KRT14: variants seen among roughly 807,000 people sequenced by gnomAD.
The protein encoded by KRT14 is keratin, type I cytoskeletal 14.
KRT14 carries 30 observed loss-of-function variants against 44.5 expected under a neutral mutation model. The ratio of observed to expected loss-of-function variants is 0.67; its 90% CI spans 0.50 to 0.92. The LOEUF (loss-of-function observed/expected upper bound fraction) is 0.92, where lower values mean the gene tolerates loss of function less well. KRT14 is among the 40% of genes least tolerant of loss of function. The pLI, the probability that KRT14 is intolerant of heterozygous loss-of-function variation, is 0.00. For missense variants in KRT14, 535 were observed against 640.6 expected (o/e 0.84, Z 1.78); for synonymous variants, 241 against 257.6 (o/e 0.94, Z 0.62).
chr17:41,582,581 G>T (rs1458533478), intron 7 of KRT14, 49 bp from the exon 8 acceptor site: 1 of 1,445,180 alleles, frequency 6.9e-7, no homozygotes, highest in Admixed American at 2.0e-5. Context: ...ACAGACAATG[G>T]ACTAATCAGG....
chr17:41,585,858 G>A (rs1346476563), intron 1 of KRT14, among the ~76,000 whole-genome samples: 2 of 152,238 alleles, frequency 1.3e-5, no homozygotes, highest in Admixed American at 6.5e-5. Flanking sequence ...GGCAGCCACA[G>A]CCCAGACTAG....
At position 41,583,082 on chromosome 17, in the gene KRT14, G is replaced by T; in HGVS notation, c.1321+12C>A. 1 of 1,612,480 alleles carries T rather than the reference G, an allele frequency of 6.2e-7. No homozygotes were observed. The highest frequency in any genetic ancestry group is 8.5e-7 in the Non-Finnish European group (1 of 1,179,706). ...GCCTGGAGCCCAGGCCTGCAGAGGA[G>T]GAGGGTCTTACCATCTCTGGATGAC... is the stretch of plus-strand genomic sequence containing the variant. On this transcript the variant is annotated intron_variant, in intron 7 of 7. Coordinates refer to ENST00000167586, the MANE Select transcript of KRT14 (RefSeq NM_000526.5).
At chr17:41,584,846 T>C in intron 2 of KRT14, 129 bp downstream of exon 2, 1 of 746,992 alleles carries the variant, frequency 1.3e-6, no homozygotes, top group Non-Finnish European at 2.4e-6. Context: ...AGTCTTATTC[T>C]TTTATAAGCA....
Position 41,583,909 on chromosome 17 carries a change from G to A in KRT14, c.778C>T (p.Leu260=). The A allele has an allele frequency of 6.2e-7, 1 of 1,613,840 alleles. No homozygotes were observed. The highest frequency in any genetic ancestry group is 1.3e-5 in the African/African-American group (1 of 74,970). The change falls in exon 4 of 8, where the codon CTG becomes TTG. Residue 260 remains leucine, a synonymous_variant. Transcript: ENST00000167586. ...KKNHEEEMNA[L]RGQVGGDVNV... is the part of the protein sequence containing the mutation. ...ACATCTCCACCCACCTGGCCTCTCA[G>A]GGCATTCATCTCCTGCACAGCCAGG...
In KRT14 at chr17:41,586,768, C is replaced by A. The variant is rs777522790; in HGVS notation, c.67G>T (p.Gly23Cys). Residue 23 changes from glycine (G) to cysteine (C), a missense_variant, in exon 1 of 8, where the codon GGC becomes TGC. By Grantham distance (159) the Gly-to-Cys change is radical. Coordinates refer to ENST00000167586, the MANE Select transcript of KRT14 (RefSeq NM_000526.5). Reference protein sequence around the residue: ...SMKGSCGIGGGIGGGSSRISS... With the variant: ...SMKGSCGIGGCIGGGSSRISS... ...ATGCGGCTGGAGCCGCCCCCGATGCCGCCCCCGATGCCGCAGGAGCCCTTC... is the reference window on the plus strand; with the variant it reads ...ATGCGGCTGGAGCCGCCCCCGATGCAGCCCCCGATGCCGCAGGAGCCCTTC... 32 of 1,583,856 alleles carry A rather than the reference C, an allele frequency of 2.0e-5. No homozygotes were observed. The South Asian group carries it at 3.5e-4, about 17-fold the overall frequency.
In KRT14 at chr17:41,582,877, G is replaced by A. The variant is rs1011346074; in HGVS notation, c.1321+217C>T. The A allele has an allele frequency of 6.4e-6, 4 of 621,892 alleles. No individual in the cohort carries two copies. In the Admixed American group the frequency reaches 1.2e-4, roughly 18 times the overall value. The allele number at this position is 621,892 out of a possible 1,614,324, so 38.5% of individuals were successfully genotyped here. ...GCTGACCACAACAGCAATAGGATCT[G>A]CCACAGACACCACGTAGAAGCAAGA... On this transcript the variant is annotated intron_variant, in intron 7 of 7. Coordinates refer to ENST00000167586, the MANE Select transcript of KRT14 (RefSeq NM_000526.5).
chr17:41,583,438 G>C lies in KRT14; in HGVS notation c.1071C>G (p.Asn357Lys), dbSNP rs751005361. The change falls in exon 6 of 8, where the codon AAC becomes AAG. Residue 357 changes from asparagine (N) to lysine (K), a missense_variant. Coordinates refer to ENST00000167586, the MANE Select transcript of KRT14 (RefSeq NM_000526.5). Reference protein sequence around the residue: ...SQLSMKASLENSLEETKGRYC... With the variant: ...SQLSMKASLEKSLEETKGRYC... ...AGCGACCTTTGGTCTCCTCCAGGCT[G>C]TTCTCCAGGGATGCTTTCTGTGAGG... is the stretch of plus-strand genomic sequence containing the variant. The C allele has an allele frequency of 5.0e-6, 8 of 1,614,140 alleles. 1 individual carries two copies. In the South Asian group the frequency reaches 7.7e-5, roughly 16 times the overall value.
chr17:41,584,178 A>C, intron 3 of KRT14, 79 bp downstream of exon 3: 5 of 1,457,556 alleles, frequency 3.4e-6, no homozygotes, highest in Non-Finnish European at 4.7e-6. Flanking sequence ...CCTCCCAAGT[A>C]GCTGGGACTA....
At chr17:41,583,710 G>T (rs780098309) in intron 4 of KRT14, 34 bp from the exon 5 acceptor site, 5 of 1,614,196 alleles carry the variant, frequency 3.1e-6, no homozygotes, top group East Asian at 2.2e-5. Context: ...ACACCAGAAG[G>T]CCCCAGAAGG....
rs780313641 is a variant in KRT14 at position 41,584,273 on chromosome 17, T to G, written c.749A>C (p.Lys250Thr). 88 of 1,613,700 alleles carry G rather than the reference T, an allele frequency of 5.5e-5. No individual in the cohort carries two copies. The highest frequency in any genetic ancestry group is 7.3e-5 in the Non-Finnish European group (86 of 1,179,964). ...ESLKEELAYL[K>T]KNHEEEMNAL... The stretch of plus-strand genomic sequence containing the variant: ...AGTTCTCACCTCCTCGTGGTTCTTC[T>G]TCAGGTAGGCCAGCTCCTCCTTCAG... The change falls in exon 3 of 8, where the codon AAG becomes ACG. Residue 250 changes from lysine (K) to threonine (T), a missense_variant. Physicochemically the swap from Lys to Thr is moderately conservative, Grantham distance 78 (BLOSUM62 -1). Transcript: ENST00000167586.
intron 7 of KRT14, 77 bp from the exon 8 acceptor site, chr17:41,582,609 G>A: frequency 8.0e-7 from 1 of 1,245,374 alleles, no homozygotes; most frequent in Non-Finnish European, 1.2e-6. Flanking sequence ...AGGCCAAGAA[G>A]GTGAGGAAAC....
rs756137651 is a variant in KRT14 at position 41,586,746 on chromosome 17, C to A, written c.89G>T (p.Arg30Leu). The change falls in exon 1 of 8, where the codon CGC (arginine) becomes CTC (leucine). Residue 30 changes from arginine (R) to leucine (L), a missense_variant. Transcript: ENST00000167586. ...IGGGIGGGSS[R>L]ISSVLAGGSC... ...CCCTCCGGCCAGGACGGAGGAGATGCGGCTGGAGCCGCCCCCGATGCCGCC... is the reference window on the plus strand; with the variant it reads ...CCCTCCGGCCAGGACGGAGGAGATGAGGCTGGAGCCGCCCCCGATGCCGCC... 1.0e-5 allele frequency: 16 copies of A among 1,584,344 alleles called. No homozygotes were observed. The highest frequency in any genetic ancestry group is 1.3e-5 in the Non-Finnish European group (15 of 1,166,740).
At position 41,586,563 on chromosome 17, in the gene KRT14, C is replaced by T. The variant is rs1450806388; in HGVS notation, c.272G>A (p.Gly91Asp). Residue 91 changes from glycine to aspartate, a missense_variant, in exon 1 of 8, where the codon GGC (glycine) becomes GAC (aspartate). Physicochemically the swap from Gly to Asp is moderately conservative, Grantham distance 94 (BLOSUM62 -1). Coordinates refer to ENST00000167586, the MANE Select transcript of KRT14 (RefSeq NM_000526.5). ...GSGFGGGYGG[G>D]LGAGLGGGFG... ...GCCACCACCCAAGCCAGCACCAAGG[C>T]CACCACCATATCCTCCCCCAAAGCC... 6 of 1,613,856 alleles carry T rather than the reference C, an allele frequency of 3.7e-6. No homozygotes were observed. Among genetic ancestry groups the T allele is most frequent in the Admixed American group, 3.3e-5 (2 of 59,994 alleles).
Position 41,586,489 on chromosome 17 carries a change from T to G in KRT14, c.346A>C (p.Lys116Gln). Residue 116 changes from lysine to glutamine, a missense_variant, in exon 1 of 8, where the codon AAG becomes CAG. Lys to Gln is a moderately conservative substitution (Grantham distance 53, BLOSUM62 1). Coordinates refer to ENST00000167586, the MANE Select transcript of KRT14 (RefSeq NM_000526.5). ...GGDGLLVGSE[K>Q]VTMQNLNDRL... ...TCATTGAGGTTCTGCATGGTCACCT[T>G]CTCACTGCCCACCAGAAGCCCATCA... 6.2e-7 allele frequency: 1 copy of G among 1,614,020 alleles called. No homozygotes were observed. Among genetic ancestry groups the G allele is most frequent in the Non-Finnish European group, 8.5e-7 (1 of 1,179,980 alleles).
Position 41,586,296 on chromosome 17 carries a change from G to T in KRT14, c.525+14C>A, listed in dbSNP as rs1418339529. 3 of 1,612,012 alleles carry T rather than the reference G, an allele frequency of 1.9e-6. No homozygotes were observed. Among genetic ancestry groups the T allele is most frequent in the South Asian group, 1.1e-5 (1 of 90,992 alleles). On this transcript the variant is annotated intron_variant, in intron 1 of 7. Coordinates refer to ENST00000167586, the MANE Select transcript of KRT14 (RefSeq NM_000526.5). ...GCTAGCTGGAATGGTGCCTTCTGCT[G>T]CCCATTCACCCACCTTGTTCCTCAG...
Position 41,583,523 on chromosome 17 carries a change from G to A in KRT14, c.1053+28C>T, listed in dbSNP as rs1907410629. ...CGTTCTCTCCCTGCCAGTCCTGGGT[G>A]CACCACCCTTCCTGGCACTATTCCT... On this transcript the variant is annotated intron_variant, in intron 5 of 7. Transcript: ENST00000167586. 15 of 1,614,060 alleles carry A rather than the reference G, an allele frequency of 9.3e-6. No homozygotes were observed. The East Asian group carries it at 1.8e-4, about 19-fold the overall frequency.
In KRT14 at chr17:41,583,757, C is replaced by T; in HGVS notation, c.927+3G>A. 6.2e-7 allele frequency: 1 copy of T among 1,614,270 alleles called. No individual in the cohort carries two copies. Among genetic ancestry groups the T allele is most frequent in the East Asian group, 2.2e-5 (1 of 44,894 alleles). On this transcript the variant is annotated splice_donor_region_variant and intron_variant, in intron 4 of 7. Coordinates refer to ENST00000167586, the MANE Select transcript of KRT14 (RefSeq NM_000526.5). The stretch of plus-strand genomic sequence containing the variant: ...GGTTCCTTCCACCTCAAATGACACC[C>T]ACCTTGGTGAAGAACCATTCCTCGG...
In KRT14 at chr17:41,586,726, C is replaced by T. The variant is rs1312208815; in HGVS notation, c.109G>A (p.Gly37Arg). ...GSSRISSVLA[G>R]GSCRAPSTYG... ...GTGCTGGGGGCGCGGCAGGACCCTCCGGCCAGGACGGAGGAGATGCGGCTG... is the reference window on the plus strand; with the variant it reads ...GTGCTGGGGGCGCGGCAGGACCCTCTGGCCAGGACGGAGGAGATGCGGCTG... The change falls in exon 1 of 8, where the codon GGA (glycine) becomes AGA (arginine). Residue 37 changes from glycine (G) to arginine (R), a missense_variant. Physicochemically the swap from Gly to Arg is moderately radical, Grantham distance 125. Coordinates refer to ENST00000167586, the MANE Select transcript of KRT14 (RefSeq NM_000526.5). The T allele has an allele frequency of 4.0e-5, 64 of 1,586,836 alleles. No homozygotes were observed. The highest frequency in any genetic ancestry group is 5.3e-5 in the Non-Finnish European group (62 of 1,167,474).
Position 41,583,139 on chromosome 17 carries a change from G to A in KRT14, c.1276C>T (p.Leu426Phe), listed in dbSNP as rs1907387563. The change falls in exon 7 of 8, where the codon CTC becomes TTC. Residue 426 changes from leucine to phenylalanine, a missense_variant and splice_region_variant. Leu to Phe is a conservative substitution (Grantham distance 22). Coordinates refer to ENST00000167586, the MANE Select transcript of KRT14 (RefSeq NM_000526.5). ...CCAGAGGAGAACTGGGAGGAGGAGA[G>A]GCTGTGAAAATAGAAAAGGACAGGA... The part of the protein sequence containing the change: ...RRLLEGEDAH[L>F]SSSQFSSGSQ... 4 of 1,613,396 alleles carry A rather than the reference G, an allele frequency of 2.5e-6. No homozygotes were observed. Among genetic ancestry groups the A allele is most frequent in the African/African-American group, 2.7e-5 (2 of 74,806 alleles).
Sources: gnomAD v4.1 joint callset for allele counts (sites outside exome capture counted in the v4.1 genomes callset) on GRCh38, gnomAD v4.1.1 for gene constraint, MANE v1.5 for transcripts, NCBI Gene and HGNC (gene_info 2026-07-23, HGNC 2026-07-21) for gene names.